Variants in FLVCR1 observed in about 807,000 individuals in gnomAD.
The protein encoded by FLVCR1 is FLVCR choline and heme transporter 1, also known as choline/ethanolamine transporter FLVCR1.
FLVCR1 carries 34 observed loss-of-function variants against 53.6 expected under a neutral mutation model. The observed-to-expected ratio is 0.63, with a 90% CI of 0.48 to 0.84. The LOEUF is 0.84. Ranked by LOEUF, FLVCR1 falls within the 40% of genes least tolerant of loss-of-function variation. FLVCR1 has a pLI of 0.00. For synonymous variants in FLVCR1, 300 were observed against 286.3 expected, an observed-to-expected ratio of 1.05 and a Z score of -0.48; for missense variants, 677 against 696.7, an observed-to-expected ratio of 0.97 and a Z score of 0.32.
intron 3 of FLVCR1, among the ~76,000 whole-genome samples, chr1:212,875,761 A>G (rs901474787): frequency 6.6e-6 from 1 of 151,434 alleles, no homozygotes; most frequent in Admixed American, 6.6e-5. Flanking sequence ...GAATCGCTTG[A>G]ACCCAGGAGG....
rs761356341 is a variant in FLVCR1 at position 212,859,052 on chromosome 1, C to T, written c.600C>T (p.Phe200=). The T allele has an allele frequency of 6.8e-6, 11 of 1,612,952 alleles. No individual in the cohort carries two copies. The highest frequency in any genetic ancestry group is 1.7e-4 in the Middle Eastern group (1 of 5,992). Residue 200 remains phenylalanine (F), a synonymous_variant, in exon 1 of 10, where the codon TTC becomes TTT. Transcript: ENST00000366971. Reference sequence around the variant, plus strand: ...GCGGCAGTGTGCAGCAGCATCTCTTCTGGGTCACCATGTTGGGCCAGTGCT... The same window carrying T: ...GCGGCAGTGTGCAGCAGCATCTCTTTTGGGTCACCATGTTGGGCCAGTGCT... ...IKCGSVQQHL[F]WVTMLGQCLC... is the part of the protein sequence containing the mutation.
intron 3 of FLVCR1, among the ~76,000 whole-genome samples, chr1:212,873,548 A>T (rs961665749): frequency 5.3e-5 from 8 of 152,200 alleles, no homozygotes; most frequent in African/African-American, 1.4e-4. Context: ...TCTGACATCT[A>T]AGAAAATTCT....
At chr1:212,893,066 G>GA (rs910035911) in intron 8 of FLVCR1, among the ~76,000 whole-genome samples, 1 of 10,402 alleles carries the variant, frequency 9.6e-5, no homozygotes, top group Admixed American at 1.4e-3. Context: ...CTTTTTTTTT[G>GA]GGGGGGGGTG....
chr1:212,893,070 G>GC (rs917026210), intron 8 of FLVCR1, among the ~76,000 whole-genome samples: 1 of 148,778 alleles, frequency 6.7e-6, no homozygotes, highest in Non-Finnish European at 1.5e-5. Context: ...TTTTTTGGGG[G>GC]GGGGTGCCGG....
At chr1:212,883,788 G>A (rs968413165) in intron 4 of FLVCR1, among the ~76,000 whole-genome samples, 1 of 151,094 alleles carries the variant, frequency 6.6e-6, no homozygotes, top group Admixed American at 6.6e-5. Flanking sequence ...TTTCCTTATA[G>A]GAGTAAAACA....
At chr1:212,864,083 T>C (rs1664337912) in intron 2 of FLVCR1, among the ~76,000 whole-genome samples, 1 of 152,200 alleles carries the variant, frequency 6.6e-6, no homozygotes, top group Non-Finnish European at 1.5e-5. Flanking sequence ...TGAAGACTAA[T>C]TCATTTATCC....
chr1:212,889,067 G>T, intron 7 of FLVCR1, 79 bp from the exon 8 acceptor site: 1 of 1,070,162 alleles, frequency 9.3e-7, no homozygotes. Context: ...ACCAAAATAA[G>T]AAAAGTTCTG....
At chr1:212,870,807 C>A (rs1664573157) in intron 2 of FLVCR1, among the ~76,000 whole-genome samples, 1 of 152,118 alleles carries the variant, frequency 6.6e-6, no homozygotes. Flanking sequence ...CACTCCGTTG[C>A]CCCGGCTGGA....
intron 3 of FLVCR1, among the ~76,000 whole-genome samples, chr1:212,875,474 G>A (rs1295344529): frequency 6.6e-6 from 1 of 152,296 alleles, no homozygotes; most frequent in East Asian, 1.9e-4. Context: ...TGGCACCAGC[G>A]AGGGTGTTAG....
rs1664129154 is a variant in FLVCR1, at chr1:212,858,946, C to T, written c.494C>T (p.Thr165Ile). Residue 165 changes from threonine (T) to isoleucine (I), a missense_variant, in exon 1 of 10, where the codon ACC (threonine) becomes ATC (isoleucine). Thr to Ile is a moderately conservative substitution (Grantham distance 89, BLOSUM62 -1). Transcript: ENST00000366971. ...LAYVPLIFPATWLLDTRGLRL... is the reference protein window; with the variant it reads ...LAYVPLIFPAIWLLDTRGLRL... ...TACGTGCCCCTCATCTTCCCGGCCA[C>T]CTGGCTGCTGGACACCAGAGGCCTG... The T allele has an allele frequency of 6.2e-7, 1 of 1,614,230 alleles. No individual in the cohort carries two copies. The highest frequency in any genetic ancestry group is 8.5e-7 in the Non-Finnish European group (1 of 1,180,046).
rs1277028313 is a variant in FLVCR1, at chr1:212,876,622, C to T, written c.1024+3804C>T. ...CTCAGGTGATTCACTGCCTCAGCCTCCCAAAGTGCCAAGATTACAGGTGTG... is the reference window on the plus strand; with the variant it reads ...CTCAGGTGATTCACTGCCTCAGCCTTCCAAAGTGCCAAGATTACAGGTGTG... On this transcript the variant is annotated intron_variant, in intron 3 of 9. Transcript: ENST00000366971. Among the ~76,000 whole-genome samples the T allele has an allele frequency of 2.0e-5, 3 of 152,156 alleles. No homozygotes were observed. In the East Asian group the frequency reaches 5.8e-4, roughly 29 times the overall value.
rs1488375660 is a variant in FLVCR1 at position 212,896,325 on chromosome 1, C to T, written c.*1035C>T. On this transcript the variant is annotated 3_prime_UTR_variant, in exon 10 of 10. Coordinates refer to ENST00000366971, the MANE Select transcript of FLVCR1 (RefSeq NM_014053.4). ...AGACCTCTTGAATGCTATTTGAATTCTGCAGTATCATTTTTATGACCATTC... is the reference window on the plus strand; with the variant it reads ...AGACCTCTTGAATGCTATTTGAATTTTGCAGTATCATTTTTATGACCATTC... The T allele has an allele frequency of 6.6e-6, 1 of 152,124 alleles. No homozygotes were observed. Among genetic ancestry groups the T allele is most frequent in the Admixed American group, 6.5e-5 (1 of 15,276 alleles). The allele number at this position is 152,124 out of a possible 1,614,324, so 9.4% of individuals were successfully genotyped here.
intron 3 of FLVCR1, among the ~76,000 whole-genome samples, chr1:212,881,294 T>A (rs563705395): frequency 2.0e-4 from 25 of 123,894 alleles, no homozygotes; most frequent in South Asian, 1.2e-3. Flanking sequence ...CCAAAGAATT[T>A]CTTTGTCTTT....
rs547025453 is a variant in FLVCR1 at position 212,875,822 on chromosome 1, C to T, written c.1024+3004C>T. Reference sequence around the variant, plus strand: ...TGCCACTGCACTCCAGCCTGGGTGACGGAGCAAGACTCCATCTGAGAAAAA... The same window carrying T: ...TGCCACTGCACTCCAGCCTGGGTGATGGAGCAAGACTCCATCTGAGAAAAA... On this transcript the variant is annotated intron_variant, in intron 3 of 9. Coordinates refer to ENST00000366971, the MANE Select transcript of FLVCR1 (RefSeq NM_014053.4). Among the ~76,000 whole-genome samples the T allele has an allele frequency of 1.8e-4, 27 of 147,776 alleles. No homozygotes were observed. In the South Asian group the frequency reaches 3.5e-3, roughly 19 times the overall value.
At chr1:212,869,659 T>G (rs922787991) in intron 2 of FLVCR1, among the ~76,000 whole-genome samples, 1 of 152,204 alleles carries the variant, frequency 6.6e-6, no homozygotes, top group African/African-American at 2.4e-5. Flanking sequence ...TTCTCCTGCC[T>G]CAGCCTCCTA....
At chr1:212,888,987 C>T (rs1438092280) in intron 7 of FLVCR1, among the ~76,000 whole-genome samples, 159 bp from the exon 8 acceptor site, 1 of 152,170 alleles carries the variant, frequency 6.6e-6, no homozygotes, top group East Asian at 1.9e-4. Flanking sequence ...CCACTGCACC[C>T]AGCCTGACCG....
chr1:212,893,056 C>CTTT (rs147082806), intron 8 of FLVCR1, among the ~76,000 whole-genome samples: 49,337 of 121,298 alleles, frequency 0.41, 9,891 homozygotes, highest in East Asian at 0.61. Context: ...AGGGTTGCTT[C>CTTT]TTTTTTTTTG....
At chr1:212,869,142 G>A (rs1664528768) in intron 2 of FLVCR1, among the ~76,000 whole-genome samples, 1 of 152,220 alleles carries the variant, frequency 6.6e-6, no homozygotes, top group African/African-American at 2.4e-5. Flanking sequence ...ATTCATCACA[G>A]GAGGAAAAGT....
intron 1 of FLVCR1, among the ~76,000 whole-genome samples, chr1:212,860,350 G>T (rs1377523957): frequency 2.1e-4 from 18 of 85,848 alleles, no homozygotes; most frequent in Admixed American, 1.1e-3. Context: ...TGTGTGTGTG[G>T]TTTTTTTTTT....
Sources: allele counts gnomAD v4.1 joint callset (sites outside exome capture counted in the v4.1 genomes callset), GRCh38; gene constraint gnomAD v4.1.1; transcripts MANE v1.5; gene names NCBI Gene and HGNC (gene_info 2026-07-23, HGNC 2026-07-21).